The following MARK2 variants were observed in gnomAD, a reference collection of about 807,000 sequenced individuals.
The protein encoded by MARK2 is serine/threonine-protein kinase MARK2.
In MARK2, 16 loss-of-function variants were observed where a neutral mutation model predicts 89.8. The ratio of observed to expected loss-of-function variants is 0.18; its 90% CI spans 0.12 to 0.27. The LOEUF (loss-of-function observed/expected upper bound fraction) is 0.27. Among genes scored for constraint, MARK2 ranks in the 10% least tolerant of loss-of-function variants. The pLI is 1.00. For missense variants in MARK2, 621 were observed against 1,049.9 expected (o/e 0.59, Z 5.65); for synonymous variants, 382 against 399.5 (o/e 0.96, Z 0.52).
chr11:63,906,626 G>C (rs949802675), intron 17 of MARK2, among the ~76,000 whole-genome samples: 13 of 152,178 alleles, frequency 8.5e-5, no homozygotes, highest in African/African-American at 2.9e-4. Flanking sequence ...GTTGTCTCCT[G>C]GGTTTCCTGA....
At chr11:63,858,897 GT>G (rs1320019844) in intron 1 of MARK2, among the ~76,000 whole-genome samples, 3 of 152,192 alleles carry the variant, frequency 2.0e-5, no homozygotes, top group African/African-American at 7.2e-5. Flanking sequence ...TTGGTTTTCA[GT>G]TGTTCTAGCT....
rs1362125754 is a variant in MARK2 at position 63,895,646 on chromosome 11, C to G, written c.288+13C>G. The G allele has an allele frequency of 6.6e-7, 1 of 1,525,602 alleles. No individual in the cohort carries two copies. The allele number at this position is 1,525,602 out of a possible 1,614,324, so 94.5% of individuals were successfully genotyped here. A position where few individuals can be genotyped will look rare whatever the true frequency, so the allele number is the denominator to read the frequency against. ...CAGCCTCCAGAAAGTAAGCACATGG[C>G]ACCTCCTGTCCCTTTTTTTTTTTTT... On this transcript the variant is annotated intron_variant, in intron 3 of 18. Coordinates refer to ENST00000402010, the MANE Select transcript of MARK2 (RefSeq NM_001039469.3).
At chr11:63,876,829 T>C (rs922236797) in intron 1 of MARK2, among the ~76,000 whole-genome samples, 7 of 152,210 alleles carry the variant, frequency 4.6e-5, no homozygotes, top group African/African-American at 1.7e-4. Flanking sequence ...GCAGCACATC[T>C]AACAATGCCC....
chr11:63,891,442 T>C (rs4143327), intron 1 of MARK2, among the ~76,000 whole-genome samples: 91,128 of 152,020 alleles, frequency 0.6, 27,819 homozygotes, highest in East Asian at 0.93. Context: ...AGGCAGGGAA[T>C]GCTGACCTGC....
At chr11:63,874,869 A>AGT (rs144323986) in intron 1 of MARK2, among the ~76,000 whole-genome samples, 14,183 of 152,088 alleles carry the variant, frequency 0.093, 901 homozygotes, top group South Asian at 0.22. Context: ...GGTAAATGGG[A>AGT]GTGTGTGTGA....
chr11:63,904,743 G>C lies in MARK2; in HGVS notation c.1677-43G>C. 6.3e-7 allele frequency: 1 copy of C among 1,594,402 alleles called. No individual in the cohort carries two copies. Among genetic ancestry groups the C allele is most frequent in the South Asian group, 1.1e-5 (1 of 90,024 alleles). ...CCAGGTGCCCAGTGATGGCTGTCCTGTACCCTAATTCGTCCCCCTCAACCC... is the reference window on the plus strand; with the variant it reads ...CCAGGTGCCCAGTGATGGCTGTCCTCTACCCTAATTCGTCCCCCTCAACCC... On this transcript the variant is annotated intron_variant, in intron 15 of 18. Coordinates refer to ENST00000402010, the MANE Select transcript of MARK2 (RefSeq NM_001039469.3). The surrounding 1 kb of genome is among the most constrained non-coding windows in gnomAD (Gnocchi z 6.3).
intron 1 of MARK2, among the ~76,000 whole-genome samples, chr11:63,874,315 A>G (rs558621046): frequency 1.3e-5 from 2 of 152,276 alleles, no homozygotes; most frequent in Admixed American, 1.3e-4. Flanking sequence ...TCTGATTGGG[A>G]GTTTAGGCAT....
At chr11:63,875,591 C>A (rs1565115340) in intron 1 of MARK2, among the ~76,000 whole-genome samples, 1 of 152,150 alleles carries the variant, frequency 6.6e-6, no homozygotes, top group African/African-American at 2.4e-5. Flanking sequence ...CTAGTTCTGG[C>A]GTCTTGTTTA....
At chr11:63,849,476 G>T (rs1436763869) in intron 1 of MARK2, among the ~76,000 whole-genome samples, 5 of 152,194 alleles carry the variant, frequency 3.3e-5, no homozygotes, top group African/African-American at 4.8e-5. Context: ...TGGTGGGCCG[G>T]GCGCGGTGGC....
intron 1 of MARK2, among the ~76,000 whole-genome samples, chr11:63,840,012 G>T (rs1161184352): frequency 2.0e-5 from 3 of 152,164 alleles, no homozygotes; most frequent in Non-Finnish European, 2.9e-5. Flanking sequence ...GGTTCTGCCA[G>T]TCTCTGGGTT....
At chr11:63,883,592 T>C (rs963262417) in intron 1 of MARK2, among the ~76,000 whole-genome samples, 17 of 152,064 alleles carry the variant, frequency 1.1e-4, no homozygotes, top group Admixed American at 8.5e-4. Context: ...CTTTTTTTTT[T>C]CCTTTGAGAC....
At chr11:63,868,988 A>C (rs963959310) in intron 1 of MARK2, 6 of 397,386 alleles carry the variant, frequency 1.5e-5, no homozygotes, top group Non-Finnish European at 2.6e-5. Flanking sequence ...CTGTGAGACT[A>C]GGGACCATGT....
At chr11:63,842,473 T>G (rs570431349) in intron 1 of MARK2, among the ~76,000 whole-genome samples, 7 of 152,204 alleles carry the variant, frequency 4.6e-5, no homozygotes, top group African/African-American at 1.7e-4. Context: ...CCCAAAGTGC[T>G]GGGATTACAG....
At chr11:63,846,473 A>G (rs994966560) in intron 1 of MARK2, among the ~76,000 whole-genome samples, 7 of 150,698 alleles carry the variant, frequency 4.6e-5, no homozygotes. Flanking sequence ...CTCCTGTCTC[A>G]GCCTCTTGAA....
At chr11:63,849,314 C>G (rs951367681) in intron 1 of MARK2, among the ~76,000 whole-genome samples, 1 of 152,206 alleles carries the variant, frequency 6.6e-6, no homozygotes, top group Non-Finnish European at 1.5e-5. Flanking sequence ...TACTGGTTCT[C>G]CAGTCACAGG....
At chr11:63,849,392 TGAGAG>T (rs1353113265) in intron 1 of MARK2, among the ~76,000 whole-genome samples, 4 of 152,286 alleles carry the variant, frequency 2.6e-5, no homozygotes, top group African/African-American at 9.6e-5. Context: ...ATGGCACAGC[TGAGAG>T]GAGAGTCCAA....
rs1247331829 is a variant in MARK2, at chr11:63,904,652, CTTCT to C, written c.1677-133_1677-130del. On this transcript the variant is annotated intron_variant, in intron 15 of 18. Transcript: ENST00000402010. The surrounding 1 kb of genome is among the most constrained non-coding windows in gnomAD (Gnocchi z 6.3). ...ACTGTCCTCAGTAGTCACACCCTTCCTTCTGTGTCCTCGTGATGGCTGCCTCTGC... is the reference window on the plus strand; with the variant it reads ...ACTGTCCTCAGTAGTCACACCCTTCCGTGTCCTCGTGATGGCTGCCTCTGC... The C allele has an allele frequency of 1.4e-6, 1 of 739,738 alleles. No homozygotes were observed. Among genetic ancestry groups the C allele is most frequent in the Non-Finnish European group, 2.4e-6 (1 of 417,970 alleles). 45.8% of individuals were successfully genotyped at this position (739,738 alleles called of 1,614,324 possible).
intron 11 of MARK2, 143 bp downstream of exon 11, chr11:63,901,212 C>CT (rs1440649413): frequency 1.5e-6 from 1 of 645,920 alleles, no homozygotes; most frequent in Non-Finnish European, 2.8e-6. Context: ...GCTTTGGTGT[C>CT]TAAGGTCCTC....
intron 1 of MARK2, among the ~76,000 whole-genome samples, chr11:63,888,247 G>T (rs1590636484): frequency 6.6e-6 from 1 of 152,152 alleles, no homozygotes; most frequent in Non-Finnish European, 1.5e-5. Flanking sequence ...TCGTTCTTGA[G>T]GGGGTGGTTT....
Sources: allele counts gnomAD v4.1 joint callset (sites outside exome capture counted in the v4.1 genomes callset), GRCh38; gene constraint gnomAD v4.1.1; non-coding constraint Gnocchi (gnomAD v3.1); transcripts MANE v1.5; gene names NCBI Gene and HGNC (gene_info 2026-07-23, HGNC 2026-07-21).